The following SEMA4B variants were observed in gnomAD, a reference collection of about 807,000 sequenced individuals.
SEMA4B encodes the protein semaphorin 4B.
SEMA4B carries 55 observed loss-of-function variants against 88.1 expected under a neutral mutation model. That is an observed-to-expected ratio of 0.62 (90% CI 0.50 to 0.78). SEMA4B has a LOEUF of 0.78. Among genes scored for constraint, SEMA4B ranks in the 30% least tolerant of loss-of-function variants. The pLI, the probability that SEMA4B is intolerant of heterozygous loss-of-function variation, is 0.00. For synonymous variants in SEMA4B, 525 were observed against 473.6 expected (o/e 1.11, Z -1.41); for missense variants, 1,062 against 1,111.9 (o/e 0.96, Z 0.64).
chr15:90,225,563 T>G, intron 11 of SEMA4B, 98 bp from the exon 12 acceptor site: 1 of 1,411,668 alleles, frequency 7.1e-7, no homozygotes, highest in Non-Finnish European at 9.7e-7. Flanking sequence ...GTAACAGGCC[T>G]CTTGGGGGTG....
chr15:90,226,380 G>A (rs542410458), intron 12 of SEMA4B, among the ~76,000 whole-genome samples: 196 of 152,098 alleles, frequency 1.3e-3, no homozygotes, highest in African/African-American at 4.4e-3. Context: ...TCGCTCTGTC[G>A]CCCAGGCTGG....
intron 1 of SEMA4B, among the ~76,000 whole-genome samples, chr15:90,195,862 G>A (rs1006995290): frequency 6.6e-6 from 1 of 151,678 alleles, no homozygotes; most frequent in Non-Finnish European, 1.5e-5. Context: ...TGCCTGCCTC[G>A]GCATCCCAAA....
chr15:90,212,933 C>G lies in SEMA4B; in HGVS notation c.158-4506C>G, dbSNP rs141330439. 6.6e-5 allele frequency among the ~76,000 whole-genome samples: 10 copies of G among 152,316 alleles called. No individual in the cohort carries two copies. The highest frequency in any genetic ancestry group is 2.4e-4 in the African/African-American group (10 of 41,564). On this transcript the variant is annotated intron_variant, in intron 1 of 13. Coordinates refer to ENST00000411539, the MANE Select transcript of SEMA4B (RefSeq NM_198925.4). The surrounding 1 kb of genome is among the most constrained non-coding windows in gnomAD (Gnocchi z 4.0). ...AACCCCCTGGATGAGGGAGGCCCGA[C>G]TCCCGCAAGGAGCCCTGCCCTTCTG... is the stretch of plus-strand genomic sequence containing the variant.
rs199743834 is a variant in SEMA4B at position 90,217,777 on chromosome 15, G to A, written c.332G>A (p.Gly111Asp). 1 of 1,613,538 alleles carries A rather than the reference G, an allele frequency of 6.2e-7. No homozygotes were observed. ...PGGEYQELLW[G>D]ADAEKKQQCS... ...TTTCTCATTCCCCAGCTGCTTTGGG[G>A]TGCAGACGCAGAGAAGAAACAGCAG... is the stretch of plus-strand genomic sequence containing the variant. The change falls in exon 3 of 14, where the codon GGT becomes GAT. Residue 111 changes from glycine to aspartate, a missense_variant. Gly to Asp is a moderately conservative substitution (Grantham distance 94, BLOSUM62 -1). Transcript: ENST00000411539.
At chr15:90,216,359 A>G (rs990106778) in intron 1 of SEMA4B, among the ~76,000 whole-genome samples, 2 of 151,822 alleles carry the variant, frequency 1.3e-5, no homozygotes, top group Non-Finnish European at 2.9e-5. Flanking sequence ...TCTCCCTTCC[A>G]TTCCTCCCCC....
At chr15:90,207,064 G>A (rs1276523738) in intron 1 of SEMA4B, 8 of 331,174 alleles carry the variant, frequency 2.4e-5, no homozygotes, top group Non-Finnish European at 4.6e-5. Flanking sequence ...TCTGGGCACT[G>A]AATACTGGAA....
intron 1 of SEMA4B, among the ~76,000 whole-genome samples, chr15:90,189,396 C>G (rs2151582274): frequency 6.6e-6 from 1 of 152,228 alleles, no homozygotes; most frequent in African/African-American, 2.4e-5. Context: ...CTTGTGTGAC[C>G]TTAGTAAGTC....
chr15:90,204,691 C>T (rs956942109), intron 1 of SEMA4B, among the ~76,000 whole-genome samples: 1 of 152,156 alleles, frequency 6.6e-6, no homozygotes, highest in African/African-American at 2.4e-5. Context: ...CCCAGCCTGG[C>T]CACGTGGGGA....
At chr15:90,209,397 AT>A (rs1961149014) in intron 1 of SEMA4B, among the ~76,000 whole-genome samples, 5 of 95,960 alleles carry the variant, frequency 5.2e-5, no homozygotes, top group Non-Finnish European at 9.2e-5. Context: ...CTAAAAAAAT[AT>A]ATATATATAT....
At chr15:90,185,924 ATTTTTTTTTTTTT>A (rs398028319) in intron 1 of SEMA4B, among the ~76,000 whole-genome samples, 1 of 55,432 alleles carries the variant, frequency 1.8e-5, no homozygotes, top group African/African-American at 7.5e-5. Context: ...TCTTTTGGTG[ATTTTTTTTTTTTT>A]TTTTTTTTTT....
chr15:90,225,379 G>A lies in SEMA4B; in HGVS notation c.1503G>A (p.Leu501=), dbSNP rs1382298634. ...IFSSGQPVQN[L]LLDTHRGLLY... is the part of the protein sequence containing the mutation. Reference sequence around the variant, plus strand: ...CATCGGGACAGCCCGTGCAGAATCTGCTCCTGGACACCCACAGGGTGAGCA... The same window carrying A: ...CATCGGGACAGCCCGTGCAGAATCTACTCCTGGACACCCACAGGGTGAGCA... The change falls in exon 11 of 14, where the codon CTG becomes CTA. Residue 501 remains leucine (L), a synonymous_variant. Coordinates refer to ENST00000411539, the MANE Select transcript of SEMA4B (RefSeq NM_198925.4). 1 of 1,551,764 alleles carries A rather than the reference G, an allele frequency of 6.4e-7. No individual in the cohort carries two copies. Among genetic ancestry groups the A allele is most frequent in the Non-Finnish European group, 8.7e-7 (1 of 1,148,134 alleles).
chr15:90,221,856 C>T (rs1238335490), intron 7 of SEMA4B, 91 bp downstream of exon 7: 1 of 1,282,866 alleles, frequency 7.8e-7, no homozygotes, highest in East Asian at 2.7e-5. Context: ...TGGCCTTTCC[C>T]ATCCCGCCAA....
At chr15:90,193,839 A>G (rs1235685221) in intron 1 of SEMA4B, among the ~76,000 whole-genome samples, 1 of 151,734 alleles carries the variant, frequency 6.6e-6, no homozygotes, top group Non-Finnish European at 1.5e-5. Context: ...CTTTTTCATA[A>G]TATTCTTTTT....
At chr15:90,200,403 A>G (rs749715245), upstream of SEMA4B, among the ~76,000 whole-genome samples, 10 of 152,246 alleles carry the variant, frequency 6.6e-5, no homozygotes, top group African/African-American at 2.4e-4. Flanking sequence ...ACACTTAGGA[A>G]AAGTTGAAGT....
Position 90,217,533 on chromosome 15 carries a change from G to C in SEMA4B, c.252G>C (p.Val84=). ...LLSRDGRTLY[V]GAREALFALS... ...GCAGGGATGGCAGGACCCTGTACGT[G>C]GGTGCTCGAGAGGCCCTCTTTGCAC... Residue 84 remains valine (V), a synonymous_variant, in exon 2 of 14, where the codon GTG becomes GTC. Coordinates refer to ENST00000411539, the MANE Select transcript of SEMA4B (RefSeq NM_198925.4). 1.2e-6 allele frequency: 2 copies of C among 1,613,854 alleles called. No individual in the cohort carries two copies. The highest frequency in any genetic ancestry group is 1.7e-6 in the Non-Finnish European group (2 of 1,179,898).
chr15:90,192,910 G>A (rs116811462), intron 1 of SEMA4B, among the ~76,000 whole-genome samples: 1,985 of 152,092 alleles, frequency 0.013, 46 homozygotes, highest in African/African-American at 0.045. Context: ...TCTTTATAAT[G>A]GATTCCTATA....
chr15:90,185,533 G>T (rs1039612505), intron 1 of SEMA4B, among the ~76,000 whole-genome samples: 4 of 152,214 alleles, frequency 2.6e-5, no homozygotes, highest in Admixed American at 2.6e-4. Context: ...GGAAGTTGAG[G>T]TTCTGGGCAT....
rs151047936 is a variant in SEMA4B at position 90,225,971 on chromosome 15, T to A, written c.1688+144T>A. The A allele has an allele frequency of 7.3e-4, 432 of 595,474 alleles. 1 individual carries two copies. In the African/African-American group the frequency reaches 7.8e-3, roughly 11 times the overall value. The allele number at this position is 595,474 out of a possible 1,614,324, so 36.9% of individuals were successfully genotyped here. A position where few individuals can be genotyped will look rare whatever the true frequency, so the allele number is the denominator to read the frequency against. Reference sequence around the variant, plus strand: ...ATAATTATTAATTAGCTCTCCTGCTTCCTCTCAAGTGCAATTCAGACAGGA... The same window carrying A: ...ATAATTATTAATTAGCTCTCCTGCTACCTCTCAAGTGCAATTCAGACAGGA... On this transcript the variant is annotated intron_variant, in intron 12 of 13. Transcript: ENST00000411539.
chr15:90,228,132 C>A lies in SEMA4B; in HGVS notation c.2003C>A (p.Ala668Asp). 1.9e-6 allele frequency: 3 copies of A among 1,611,292 alleles called. 1 individual carries two copies. The highest frequency in any genetic ancestry group is 3.3e-4 in the Middle Eastern group (2 of 6,056). ...GAGGAGGGCTTCCAGCAGCTGGTAG[C>A]CAGCTACTGCCCAGAGGTGGTGGAG... Reference protein sequence around the residue: ...SLEEGFQQLVASYCPEVVEDG... With the variant: ...SLEEGFQQLVDSYCPEVVEDG... Residue 668 changes from alanine to aspartate, a missense_variant, in exon 14 of 14, where the codon GCC (alanine) becomes GAC (aspartate). Transcript: ENST00000411539.
Sources: allele counts gnomAD v4.1 joint callset (sites outside exome capture counted in the v4.1 genomes callset), GRCh38; gene constraint gnomAD v4.1.1; non-coding constraint Gnocchi (gnomAD v3.1); transcripts MANE v1.5; gene names NCBI Gene and HGNC (gene_info 2026-07-23, HGNC 2026-07-21).